EML1: variants seen among roughly 807,000 people sequenced by gnomAD.
The protein encoded by EML1 is EMAP like 1.
A neutral mutation model predicts 110.4 loss-of-function variants in EML1; 27 were observed. That is an observed-to-expected ratio of 0.24 (90% confidence interval 0.18 to 0.34). The LOEUF (loss-of-function observed/expected upper bound fraction) is 0.34, where lower values mean the gene tolerates loss of function less well. Among genes scored for constraint, EML1 ranks in the 10% least tolerant of loss-of-function variants. The pLI is 1.00. For missense variants in EML1, 741 were observed against 1,030.9 expected (o/e 0.72, Z 3.85); for synonymous variants, 344 against 385.8 (o/e 0.89, Z 1.27).
chr14:99,925,631 T>C (rs971652304), intron 17 of EML1, among the ~76,000 whole-genome samples: 2 of 152,256 alleles, frequency 1.3e-5, no homozygotes, highest in African/African-American at 2.4e-5. Context: ...GGCTCCGTCC[T>C]CTGCCAGTGG....
intron 9 of EML1, among the ~76,000 whole-genome samples, chr14:99,906,399 G>A (rs1480507096): frequency 6.6e-6 from 1 of 152,204 alleles, no homozygotes; most frequent in African/African-American, 2.4e-5. Context: ...GATATACTAA[G>A]TGAGGGATGG....
At position 99,910,225 on chromosome 14, in the gene EML1, T is replaced by C. The variant is rs755729341; in HGVS notation, c.1240-17T>C. On this transcript the variant is annotated splice_polypyrimidine_tract_variant and intron_variant, in intron 11 of 21. Coordinates refer to ENST00000262233, the MANE Select transcript of EML1 (RefSeq NM_004434.3). Reference sequence around the variant, plus strand: ...ATGGATTAAATATATATATAATTTTTTTACTACATTCTACAGAAACAAGAA... The same window carrying C: ...ATGGATTAAATATATATATAATTTTCTTACTACATTCTACAGAAACAAGAA... 1.9e-6 allele frequency: 3 copies of C among 1,550,394 alleles called. No individual in the cohort carries two copies. Among genetic ancestry groups the C allele is most frequent in the South Asian group, 1.2e-5 (1 of 84,184 alleles).
intron 2 of EML1, among the ~76,000 whole-genome samples, chr14:99,852,968 A>G (rs1308486427): frequency 6.6e-6 from 1 of 152,210 alleles, no homozygotes; most frequent in East Asian, 1.9e-4. Context: ...CAGCTTTCCA[A>G]AAATAAATCT....
chr14:99,845,223 T>C (rs2058689084), intron 1 of EML1, among the ~76,000 whole-genome samples: 2 of 152,236 alleles, frequency 1.3e-5, no homozygotes, highest in Non-Finnish European at 2.9e-5. Flanking sequence ...TGTGTAATAA[T>C]ATCTCATTGT....
intron 8 of EML1, among the ~76,000 whole-genome samples, chr14:99,898,960 A>G (rs2059715702): frequency 6.6e-6 from 1 of 152,146 alleles, no homozygotes; most frequent in Non-Finnish European, 1.5e-5. Context: ...CATTTTGCCA[A>G]ATTTCAGCCA....
intron 17 of EML1, among the ~76,000 whole-genome samples, chr14:99,921,612 C>T (rs1055303193): frequency 6.6e-6 from 1 of 152,206 alleles, no homozygotes; most frequent in Admixed American, 6.5e-5. Flanking sequence ...CAGCTCTCAG[C>T]CAGTTTCCTG....
intron 4 of EML1, among the ~76,000 whole-genome samples, chr14:99,880,853 G>T (rs537456230): frequency 6.6e-6 from 1 of 152,164 alleles, no homozygotes; most frequent in African/African-American, 2.4e-5. Context: ...ATTATCCAGC[G>T]TAGGGCTTGG....
chr14:99,907,768 A>G, intron 10 of EML1, 35 bp downstream of exon 10: 2 of 1,608,236 alleles, frequency 1.2e-6, no homozygotes, highest in African/African-American at 1.3e-5. Context: ...CTGCATTAAC[A>G]TTTTCCCATT....
At chr14:99,880,412 C>G (rs2059365404) in intron 4 of EML1, among the ~76,000 whole-genome samples, 1 of 152,116 alleles carries the variant, frequency 6.6e-6, no homozygotes, top group South Asian at 2.1e-4. Context: ...CCTCTGTATT[C>G]CCACGTGCGC....
At chr14:99,812,184 T>C (rs1566877726) in intron 1 of EML1, among the ~76,000 whole-genome samples, 1 of 151,746 alleles carries the variant, frequency 6.6e-6, no homozygotes, top group Non-Finnish European at 1.5e-5. Context: ...GTGTTGGAGT[T>C]TGTACAGTGG....
Position 99,941,578 on chromosome 14 carries a change from A to C in EML1, c.*1466A>C, listed in dbSNP as rs1389854484. ...ATATTCATGAAAGCATATAAATTAA[A>C]ATATTTAAAATTAGATATGATTCAC... On this transcript the variant is annotated 3_prime_UTR_variant, in exon 22 of 22. Transcript: ENST00000262233. 1 of 152,226 alleles carries C rather than the reference A, an allele frequency of 6.6e-6. No individual in the cohort carries two copies. The highest frequency in any genetic ancestry group is 1.5e-5 in the Non-Finnish European group (1 of 68,038). 9.4% of individuals were successfully genotyped at this position (152,226 alleles called of 1,614,324 possible).
In EML1 at chr14:99,894,686, A is replaced by G. The variant is rs1311654855; in HGVS notation, c.605A>G (p.Lys202Arg). ...RGRPVTMYMP[K>R]DQVDSYSLEA... is the part of the protein sequence containing the mutation. ...CGCCCTGTTACCATGTACATGCCCA[A>G]AGATCAAGTGGATTCTTACAGCTTG... is the stretch of plus-strand genomic sequence containing the variant. Residue 202 changes from lysine (K) to arginine (R), a missense_variant, in exon 6 of 22, where the codon AAA becomes AGA. This residue lies in a region of EML1 where 226 missense variants were observed against 255.6 expected (regional missense o/e 0.88). Transcript: ENST00000262233. 6 of 1,613,782 alleles carry G rather than the reference A, an allele frequency of 3.7e-6. No individual in the cohort carries two copies. The Admixed American group carries it at 8.3e-5, about 22-fold the overall frequency.
At chr14:99,888,269 C>T (rs991491190) in intron 4 of EML1, among the ~76,000 whole-genome samples, 4 of 152,190 alleles carry the variant, frequency 2.6e-5, no homozygotes, top group East Asian at 1.9e-4. Context: ...CGAAGGTCCA[C>T]GAGCTTCCCT....
chr14:99,872,884 T>C lies in EML1; in HGVS notation c.384-5601T>C, dbSNP rs566557251. 4.8e-5 allele frequency among the ~76,000 whole-genome samples: 7 copies of C among 146,874 alleles called. No homozygotes were observed. The East Asian group carries it at 1.3e-3, about 28-fold the overall frequency. ...GGCATCTGTGGTGTGTGGATGGGTA[T>C]ATGTTTGTTTTCTTTTCTCCGGGGG... On this transcript the variant is annotated intron_variant, in intron 3 of 21. Transcript: ENST00000262233.
At chr14:99,889,240 GCAGCAGC>G (rs35853665) in intron 4 of EML1, among the ~76,000 whole-genome samples, 4,683 of 152,192 alleles carry the variant, frequency 0.031, 225 homozygotes, top group African/African-American at 0.11. Context: ...CAGGTTCTTG[GCAGCAGC>G]TGTGTGTGCC....
At chr14:99,867,406 A>G (rs1365318567) in intron 3 of EML1, among the ~76,000 whole-genome samples, 3 of 152,196 alleles carry the variant, frequency 2.0e-5, no homozygotes, top group South Asian at 4.1e-4. Context: ...TTAAATCTGC[A>G]TATCACTTTG....
intron 4 of EML1, among the ~76,000 whole-genome samples, chr14:99,880,965 T>A (rs1027507529): frequency 2.0e-5 from 3 of 151,894 alleles, no homozygotes; most frequent in African/African-American, 7.3e-5. Context: ...TTCCTCACTT[T>A]TTATTTTCCT....
At chr14:99,933,923 C>T (rs11628837) in intron 17 of EML1, among the ~76,000 whole-genome samples, 51,917 of 151,896 alleles carry the variant, frequency 0.34, 11,017 homozygotes, top group Non-Finnish European at 0.47. Flanking sequence ...GGTAAAACCC[C>T]GTCTCTACTA....
At chr14:99,859,322 C>T (rs1317284231) in intron 2 of EML1, among the ~76,000 whole-genome samples, 5 of 152,112 alleles carry the variant, frequency 3.3e-5, no homozygotes, top group South Asian at 2.1e-4. Flanking sequence ...GCATAAATAC[C>T]GCACCTGTTA....
Sources: allele counts gnomAD v4.1 joint callset (sites outside exome capture counted in the v4.1 genomes callset), GRCh38; gene constraint gnomAD v4.1.1; regional missense constraint gnomAD v4.1.1; transcripts MANE v1.5; gene names NCBI Gene and HGNC (gene_info 2026-07-23, HGNC 2026-07-21).